Variants in SYN2 observed in about 807,000 individuals in gnomAD.
SYN2 encodes synapsin-2.
In SYN2, 19 loss-of-function variants were observed where a neutral mutation model predicts 50.9. The ratio of observed to expected loss-of-function variants is 0.37; its 90% confidence interval spans 0.26 to 0.55. The LOEUF is 0.55. Ranked by LOEUF, SYN2 falls within the 20% of genes least tolerant of loss-of-function variation. The pLI is 0.81. For missense variants in SYN2, 587 were observed against 576.4 expected, an observed-to-expected ratio of 1.02 and a Z score of -0.19; for synonymous variants, 255 against 224.9, an observed-to-expected ratio of 1.13 and a Z score of -1.20.
intron 1 of SYN2, among the ~76,000 whole-genome samples, chr3:12,097,019 G>T (rs1177518219): frequency 6.6e-6 from 1 of 152,100 alleles, no homozygotes. Flanking sequence ...TGAAATACAA[G>T]AATTTATTCA....
At chr3:12,039,881 C>T (rs1286895241) in intron 1 of SYN2, among the ~76,000 whole-genome samples, 1 of 152,088 alleles carries the variant, frequency 6.6e-6, no homozygotes, top group African/African-American at 2.4e-5. Context: ...CCTTTTATGA[C>T]ATGTTTCCTG....
At position 12,154,348 on chromosome 3, in the gene SYN2, G is replaced by A. The variant is rs151021424; in HGVS notation, c.774+3022G>A. ...TTACTTGGCAGCCACAGTTCAGATGGTAGTGATGATTCAGACTTTCCCTCT... is the reference window on the plus strand; with the variant it reads ...TTACTTGGCAGCCACAGTTCAGATGATAGTGATGATTCAGACTTTCCCTCT... On this transcript the variant is annotated intron_variant, in intron 5 of 12. Transcript: ENST00000621198. The A allele has an allele frequency of 6.7e-4, 1,079 of 1,614,202 alleles. 1 individual carries two copies. The highest frequency in any genetic ancestry group is 8.3e-4 in the Non-Finnish European group (978 of 1,180,042).
intron 9 of SYN2, among the ~76,000 whole-genome samples, chr3:12,169,248 A>G (rs1697880938): frequency 6.6e-6 from 1 of 152,208 alleles, no homozygotes; most frequent in Non-Finnish European, 1.5e-5. Flanking sequence ...CTTGAGGTAC[A>G]GGAAGAATCA....
At chr3:12,113,199 G>A (rs1044093534) in intron 1 of SYN2, among the ~76,000 whole-genome samples, 2 of 152,072 alleles carry the variant, frequency 1.3e-5, no homozygotes, top group Non-Finnish European at 2.9e-5. Flanking sequence ...ATATCTTCAT[G>A]CAATATTTTT....
intron 1 of SYN2, among the ~76,000 whole-genome samples, chr3:12,079,473 T>G (rs1695542129): frequency 6.6e-6 from 1 of 152,134 alleles, no homozygotes; most frequent in South Asian, 2.1e-4. Context: ...TGAGATATGT[T>G]ACTTCAGTAC....
In SYN2 at chr3:12,145,741, A is replaced by T; in HGVS notation, c.590A>T (p.Asp197Val). The change falls in exon 4 of 13, where the codon GAC (aspartate) becomes GTC (valine). Residue 197 changes from aspartate to valine, a missense_variant. Transcript: ENST00000621198. The part of the protein sequence containing the change: ...QHAFGMAENE[D>V]FRHLIIGMQY... ...GCATTTGGCATGGCGGAGAATGAGG[A>T]CTTCCGCCACCTGATCATTGGTATG... 1 of 1,613,982 alleles carries T rather than the reference A, an allele frequency of 6.2e-7. No homozygotes were observed. Among genetic ancestry groups the T allele is most frequent in the Non-Finnish European group, 8.5e-7 (1 of 1,179,870 alleles).
intron 1 of SYN2, among the ~76,000 whole-genome samples, chr3:12,091,610 T>G (rs918702250): frequency 6.6e-6 from 1 of 152,222 alleles, no homozygotes; most frequent in Non-Finnish European, 1.5e-5. Flanking sequence ...TTGCCTTGTC[T>G]CAGAGCTGTT....
At chr3:12,170,013 T>A in intron 10 of SYN2, 107 bp downstream of exon 10, 1 of 1,358,130 alleles carries the variant, frequency 7.4e-7, no homozygotes, top group Non-Finnish European at 9.8e-7. Context: ...CCCACAGGCC[T>A]AAATGGGATC....
At chr3:12,089,901 G>C (rs569426348) in intron 1 of SYN2, among the ~76,000 whole-genome samples, 51 of 152,232 alleles carry the variant, frequency 3.4e-4, no homozygotes, top group African/African-American at 1.1e-3. Flanking sequence ...TCTTGTCCTT[G>C]TTCCCAGAGT....
chr3:12,175,577 G>A (rs1698045109), intron 10 of SYN2, among the ~76,000 whole-genome samples: 1 of 152,202 alleles, frequency 6.6e-6, no homozygotes, highest in African/African-American at 2.4e-5. Flanking sequence ...CCAAGACCAG[G>A]ACAGACCTGT....
At chr3:12,121,897 A>G (rs1202704956) in intron 1 of SYN2, among the ~76,000 whole-genome samples, 1 of 152,206 alleles carries the variant, frequency 6.6e-6, no homozygotes, top group Non-Finnish European at 1.5e-5. Context: ...TGAGTCTGAA[A>G]TTGGTAAGAC....
At chr3:12,036,025 A>G (rs899994249) in intron 1 of SYN2, among the ~76,000 whole-genome samples, 1 of 152,244 alleles carries the variant, frequency 6.6e-6, no homozygotes, top group Non-Finnish European at 1.5e-5. Context: ...CTTCTTGTTT[A>G]TCAGATGGCT....
chr3:12,099,237 AC>A (rs1157352528), intron 1 of SYN2, among the ~76,000 whole-genome samples: 1 of 152,152 alleles, frequency 6.6e-6, no homozygotes, highest in African/African-American at 2.4e-5. Flanking sequence ...TCTATAGAAC[AC>A]CCAACAATAG....
intron 1 of SYN2, among the ~76,000 whole-genome samples, chr3:12,139,554 T>C (rs1257858201): frequency 6.6e-6 from 1 of 152,194 alleles, no homozygotes; most frequent in Non-Finnish European, 1.5e-5. Flanking sequence ...CTTGGTTTCC[T>C]TGTCTCTGAA....
In SYN2 at chr3:12,157,333, C is replaced by T. The variant is rs373404183; in HGVS notation, c.775-4213C>T. 7 of 1,561,944 alleles carry T rather than the reference C, an allele frequency of 4.5e-6. No homozygotes were observed. The African/African-American group carries it at 6.8e-5, about 15-fold the overall frequency. ...ACCAGCCCTCCCAGAACACAGACTCCACTTTCTCCATCAGCCTTAGGGGCT... is the reference window on the plus strand; with the variant it reads ...ACCAGCCCTCCCAGAACACAGACTCTACTTTCTCCATCAGCCTTAGGGGCT... On this transcript the variant is annotated intron_variant, in intron 5 of 12. Transcript: ENST00000621198.
chr3:12,145,493 G>A (rs1036821666), intron 3 of SYN2, among the ~76,000 whole-genome samples, 186 bp from the exon 4 acceptor site: 10 of 152,210 alleles, frequency 6.6e-5, no homozygotes, highest in African/African-American at 2.4e-4. Flanking sequence ...CTATGGTTGT[G>A]CCACTGCACT....
In SYN2 at chr3:12,187,748, TGTTA is replaced by T. The variant is rs1698373977; in HGVS notation, c.1613+140_1613+143del. 6 of 1,348,676 alleles carry T rather than the reference TGTTA, an allele frequency of 4.4e-6. No individual in the cohort carries two copies. In the South Asian group the frequency reaches 1.0e-4, roughly 23 times the overall value. 83.5% of individuals were successfully genotyped at this position (1,348,676 alleles called of 1,614,324 possible). ...TTTGTGATGGGATTTGGTTTTTTTT[TGTTA>T]GTTTGTTTTTGGTTTTTGTGTGTGT... On this transcript the variant is annotated intron_variant, in intron 12 of 12. Coordinates refer to ENST00000621198, the MANE Select transcript of SYN2 (RefSeq NM_133625.6).
chr3:12,069,437 C>T (rs751923415), intron 1 of SYN2, among the ~76,000 whole-genome samples: 16 of 151,682 alleles, frequency 1.1e-4, no homozygotes, highest in Non-Finnish European at 1.9e-4. Context: ...TTAGTAGAGA[C>T]GGGGTTTCAC....
At chr3:12,016,785 G>C (rs1467756131) in intron 1 of SYN2, among the ~76,000 whole-genome samples, 1 of 152,154 alleles carries the variant, frequency 6.6e-6, no homozygotes, top group Non-Finnish European at 1.5e-5. Context: ...GAACTTGGAA[G>C]GTGGTGGTTG....
Sources: allele counts gnomAD v4.1 joint callset (sites outside exome capture counted in the v4.1 genomes callset), GRCh38; gene constraint gnomAD v4.1.1; transcripts MANE v1.5; gene names NCBI Gene and HGNC (gene_info 2026-07-23, HGNC 2026-07-21).